The following VPS53 variants were observed in gnomAD, a reference collection of about 807,000 sequenced individuals.
VPS53 encodes vacuolar protein sorting-associated protein 53 homolog.
In VPS53, 70 loss-of-function variants were observed where a neutral mutation model predicts 107.0. That is an observed-to-expected ratio of 0.65 (90% confidence interval 0.54 to 0.80). VPS53 has a LOEUF of 0.80. Among genes scored for constraint, VPS53 ranks in the 30% least tolerant of loss-of-function variants. VPS53 has a pLI of 0.00. For synonymous variants in VPS53, 409 were observed against 393.3 expected (o/e 1.04, Z -0.47); for missense variants, 917 against 1,049.4 (o/e 0.87, Z 1.74).
chr17:671,662 G>C (rs1458368382), intron 4 of VPS53, among the ~76,000 whole-genome samples: 2 of 151,380 alleles, frequency 1.3e-5, no homozygotes, highest in Non-Finnish European at 2.9e-5. Context: ...AGAGTCTGCT[G>C]TCCAAGAGCT....
chr17:519,039 G>C lies in VPS53; in HGVS notation c.*89C>G, dbSNP rs1277466254. ...GGAAGTTTGAAGACCGACGATGTGA[G>C]AGTGCCGGGGAGCACAGGAGAGGTT... On this transcript the variant is annotated 3_prime_UTR_variant, in exon 22 of 22. Coordinates refer to ENST00000437048, the MANE Select transcript of VPS53 (RefSeq NM_001128159.3). This position sits in a 1 kb window ranked among gnomAD's most constrained non-coding sequence, Gnocchi z 5.0. 7.4e-7 allele frequency: 1 copy of C among 1,357,774 alleles called. No individual in the cohort carries two copies. Among genetic ancestry groups the C allele is most frequent in the Non-Finnish European group, 9.8e-7 (1 of 1,024,276 alleles). The allele number at this position is 1,357,774 out of a possible 1,614,324, so 84.1% of individuals were successfully genotyped here. A position where few individuals can be genotyped will look rare whatever the true frequency, so the allele number is the denominator to read the frequency against.
intron 11 of VPS53, among the ~76,000 whole-genome samples, chr17:615,429 T>G (rs1465535437): frequency 6.6e-6 from 1 of 152,124 alleles, no homozygotes; most frequent in Non-Finnish European, 1.5e-5. Context: ...GGCCACACTC[T>G]CAAGCTCATC....
At chr17:696,187 G>A (rs149560486) in intron 4 of VPS53, among the ~76,000 whole-genome samples, 1 of 152,294 alleles carries the variant, frequency 6.6e-6, no homozygotes, top group East Asian at 1.9e-4. Flanking sequence ...CAGGCCAAAG[G>A]AAACTGGCTA....
intron 7 of VPS53, among the ~76,000 whole-genome samples, chr17:634,485 T>C (rs1210477833): frequency 6.6e-6 from 1 of 151,788 alleles, no homozygotes; most frequent in African/African-American, 2.4e-5. Flanking sequence ...CATGCTGATG[T>C]GCTGCACCCA....
At chr17:583,919 C>G (rs144659331) in intron 13 of VPS53, among the ~76,000 whole-genome samples, 3 of 152,120 alleles carry the variant, frequency 2.0e-5, no homozygotes, top group African/African-American at 7.2e-5. Flanking sequence ...TCCCAGGGAA[C>G]CTCCCTCAGA....
At position 709,751 on chromosome 17, in the gene VPS53, G is replaced by A. The variant is rs562438169; in HGVS notation, c.168+782C>T. The stretch of plus-strand genomic sequence containing the variant: ...TCCCAACTCTGCTACTTCCAGTTCT[G>A]GTCTACTTCTCACCCAAACACCCAA... On this transcript the variant is annotated intron_variant, in intron 2 of 21. Transcript: ENST00000437048. Among the ~76,000 whole-genome samples, 151 of 152,200 alleles carry A rather than the reference G, an allele frequency of 9.9e-4. 1 individual carries two copies. The highest frequency in any genetic ancestry group is 3.4e-3 in the African/African-American group (140 of 41,536).
At chr17:543,660 T>C (rs1910880631) in intron 17 of VPS53, among the ~76,000 whole-genome samples, 1 of 151,656 alleles carries the variant, frequency 6.6e-6, no homozygotes, top group Non-Finnish European at 1.5e-5. Flanking sequence ...ATCTAAAAGA[T>C]AGAATCCTTT....
At chr17:602,196 C>G (rs1188988045) in intron 11 of VPS53, among the ~76,000 whole-genome samples, 1 of 152,226 alleles carries the variant, frequency 6.6e-6, no homozygotes, top group Non-Finnish European at 1.5e-5. Flanking sequence ...AGGTTTGGGT[C>G]AGATGTCCCT....
At chr17:522,560 G>A (rs1908836213) in intron 19 of VPS53, among the ~76,000 whole-genome samples, 1 of 152,230 alleles carries the variant, frequency 6.6e-6, no homozygotes, top group Non-Finnish European at 1.5e-5. Flanking sequence ...TGCCAGCCAT[G>A]CAGACTGCAC....
intron 4 of VPS53, among the ~76,000 whole-genome samples, chr17:670,798 T>A (rs1416195338): frequency 6.6e-6 from 1 of 152,204 alleles, no homozygotes; most frequent in African/African-American, 2.4e-5. Flanking sequence ...TGGTATGGCT[T>A]TAGACTATTC....
chr17:606,880 C>T (rs1465762214), intron 11 of VPS53, among the ~76,000 whole-genome samples: 6 of 150,080 alleles, frequency 4.0e-5, no homozygotes, highest in Non-Finnish European at 7.4e-5. Flanking sequence ...CACCCCCACC[C>T]CCACCTCTGG....
At chr17:534,891 C>T (rs1909900222) in intron 18 of VPS53, among the ~76,000 whole-genome samples, 1 of 147,050 alleles carries the variant, frequency 6.8e-6, no homozygotes, top group African/African-American at 2.5e-5. Context: ...GCACTCCAGC[C>T]TGGGTAACAG....
chr17:641,356 T>A (rs1366544720), intron 7 of VPS53, among the ~76,000 whole-genome samples: 1 of 152,236 alleles, frequency 6.6e-6, no homozygotes, highest in East Asian at 1.9e-4. Flanking sequence ...GAATTTATCT[T>A]TGGCCTCATT....
chr17:675,861 C>T (rs1198987905), intron 4 of VPS53, among the ~76,000 whole-genome samples: 1 of 151,442 alleles, frequency 6.6e-6, no homozygotes, highest in Non-Finnish European at 1.5e-5. Flanking sequence ...GAAAGTGGCA[C>T]TAATACATTT....
intron 4 of VPS53, among the ~76,000 whole-genome samples, chr17:672,140 AC>A (rs1971977980): frequency 6.8e-6 from 1 of 147,368 alleles, no homozygotes; most frequent in Admixed American, 6.9e-5. Context: ...ACACACACAC[AC>A]ACACACACAC....
At chr17:643,566 T>TGTCAACCCA (rs1349723963) in intron 7 of VPS53, among the ~76,000 whole-genome samples, 1 of 141,800 alleles carries the variant, frequency 7.1e-6, no homozygotes, top group Non-Finnish European at 1.5e-5. Flanking sequence ...CACTCATACT[T>TGTCAACCCA]GGAAACCGAG....
At chr17:597,657 C>A (rs1968039530) in intron 12 of VPS53, among the ~76,000 whole-genome samples, 1 of 152,122 alleles carries the variant, frequency 6.6e-6, no homozygotes, top group Non-Finnish European at 1.5e-5. Context: ...ATTCTCCTGC[C>A]TCAGCCTCCT....
chr17:679,397 C>T lies in VPS53; in HGVS notation c.286-17502G>A, dbSNP rs149167187. Among the ~76,000 whole-genome samples the T allele has an allele frequency of 1.7e-3, 252 of 152,122 alleles. 3 individuals are homozygous for T. The highest frequency in any genetic ancestry group is 5.1e-3 in the African/African-American group (210 of 41,518). On this transcript the variant is annotated intron_variant, in intron 4 of 21. Transcript: ENST00000437048. ...GGCGTGGTGGCGGCCACCTGTAGTC[C>T]CAGCTACTTGGGAGGCTGAGGCGGG...
intron 15 of VPS53, among the ~76,000 whole-genome samples, chr17:557,726 G>C (rs1912562200): frequency 6.6e-6 from 1 of 151,850 alleles, no homozygotes; most frequent in Non-Finnish European, 1.5e-5. Flanking sequence ...AAAATAATTG[G>C]CCACTTGTAT....
Sources: gnomAD v4.1 joint callset for allele counts (sites outside exome capture counted in the v4.1 genomes callset) on GRCh38, gnomAD v4.1.1 for gene constraint, Gnocchi (gnomAD v3.1) non-coding constraint, MANE v1.5 for transcripts, NCBI Gene and HGNC (gene_info 2026-07-23, HGNC 2026-07-21) for gene names.